Variants in TNFSF11 observed in about 807,000 individuals in gnomAD.
TNFSF11 encodes TNF superfamily member 11.
Under a neutral mutation model 32.2 loss-of-function variants are expected in TNFSF11, and 12 were observed. The ratio of observed to expected loss-of-function variants is 0.37; its 90% CI spans 0.24 to 0.60. The LOEUF (loss-of-function observed/expected upper bound fraction) is 0.60. Ranked by LOEUF, TNFSF11 falls within the 20% of genes least tolerant of loss-of-function variation. TNFSF11 has a pLI of 0.66. For synonymous variants in TNFSF11, 172 were observed against 152.1 expected, an observed-to-expected ratio of 1.13 and a Z score of -0.96; for missense variants, 345 against 398.0, an observed-to-expected ratio of 0.87 and a Z score of 1.13.
At chr13:42,599,001 A>G (rs1466236152) in intron 2 of TNFSF11, among the ~76,000 whole-genome samples, 2 of 152,180 alleles carry the variant, frequency 1.3e-5, no homozygotes, top group African/African-American at 4.8e-5. Flanking sequence ...AAAAGGGGCT[A>G]CCATGTGCCT....
chr13:42,565,549 T>C (rs957218228), intron 1 of TNFSF11, among the ~76,000 whole-genome samples: 1 of 152,202 alleles, frequency 6.6e-6, no homozygotes, highest in African/African-American at 2.4e-5. Flanking sequence ...AATGACTAAA[T>C]TATGAGCATG....
chr13:42,601,881 A>G (rs568129661), intron 4 of TNFSF11, among the ~76,000 whole-genome samples: 1 of 152,312 alleles, frequency 6.6e-6, no homozygotes, highest in South Asian at 2.1e-4. Context: ...TTTTGCAGAC[A>G]GGGAAACTGA....
At chr13:42,572,994 C>G (rs1873124678), upstream of TNFSF11, among the ~76,000 whole-genome samples, 1 of 152,168 alleles carries the variant, frequency 6.6e-6, no homozygotes. Context: ...CATATCATGG[C>G]ATAGTATTTG....
Position 42,600,872 on chromosome 13 carries a change from C to G in TNFSF11, c.434-11C>G, listed in dbSNP as rs770246659. 3 of 1,614,134 alleles carry G rather than the reference C, an allele frequency of 1.9e-6. No individual in the cohort carries two copies. Among genetic ancestry groups the G allele is most frequent in the South Asian group, 1.1e-5 (1 of 91,074 alleles). On this transcript the variant is annotated splice_polypyrimidine_tract_variant and intron_variant, in intron 3 of 4. Transcript: ENST00000398795. ...TTTTGGCTATAATAATATGGTTTCTCTCATCTCCAGCGATGGTGGATGGCT... is the reference window on the plus strand; with the variant it reads ...TTTTGGCTATAATAATATGGTTTCTGTCATCTCCAGCGATGGTGGATGGCT...
At chr13:42,588,421 T>C (rs962429739) in intron 2 of TNFSF11, among the ~76,000 whole-genome samples, 20 of 152,178 alleles carry the variant, frequency 1.3e-4, no homozygotes, top group Non-Finnish European at 4.4e-5. Context: ...ATGACATCTT[T>C]AAAGAAACAG....
chr13:42,571,021 C>A (rs938008347), upstream of TNFSF11, among the ~76,000 whole-genome samples: 1 of 152,082 alleles, frequency 6.6e-6, no homozygotes, highest in East Asian at 1.9e-4. Context: ...AGGGTGTAAG[C>A]CCCATGTTCC....
At chr13:42,603,069 A>G (rs547540936) in intron 4 of TNFSF11, among the ~76,000 whole-genome samples, 2 of 152,276 alleles carry the variant, frequency 1.3e-5, no homozygotes, top group South Asian at 2.1e-4. Context: ...CCTTGAGTCC[A>G]TTTATTACCC....
upstream of TNFSF11, among the ~76,000 whole-genome samples, chr13:42,569,945 T>G (rs1401132602): frequency 1.3e-5 from 2 of 152,074 alleles, no homozygotes; most frequent in African/African-American, 4.8e-5. Context: ...TTTTTTTAAA[T>G]AAAATAATTT....
intron 1 of TNFSF11, 105 bp downstream of exon 1, chr13:42,574,627 A>G: frequency 1.5e-6 from 2 of 1,359,782 alleles, no homozygotes; most frequent in South Asian, 1.2e-5. Flanking sequence ...CAGAGCTTGC[A>G]TATTCCGGAA....
upstream of TNFSF11, chr13:42,574,106 A>AG (rs1406858998): frequency 3.1e-6 from 2 of 637,680 alleles, no homozygotes; most frequent in African/African-American, 3.8e-5. Flanking sequence ...TCCCGAGGCC[A>AG]GGGCTCTCCA....
upstream of TNFSF11, chr13:42,571,437 T>A (rs1337836846): frequency 6.6e-6 from 1 of 152,150 alleles, no homozygotes. Flanking sequence ...GGCATGATTG[T>A]AGCTTACTGC....
At chr13:42,567,635 G>A (rs779908837) in intron 2 of TNFSF11, among the ~76,000 whole-genome samples, 1 of 152,134 alleles carries the variant, frequency 6.6e-6, no homozygotes, top group African/African-American at 2.4e-5. Flanking sequence ...ACCATGATGG[G>A]ATGGTAGGTC....
intron 2 of TNFSF11, among the ~76,000 whole-genome samples, chr13:42,568,674 G>T (rs561534008): frequency 1.3e-5 from 2 of 152,102 alleles, no homozygotes; most frequent in Non-Finnish European, 1.5e-5. Flanking sequence ...ATCAGAAGAC[G>T]CGGGAACAGA....
At position 42,607,007 on chromosome 13, in the gene TNFSF11, A is replaced by T. The variant is rs572349604; in HGVS notation, c.*89A>T. 3.9e-6 allele frequency: 6 copies of T among 1,555,940 alleles called. No homozygotes were observed. The highest frequency in any genetic ancestry group is 2.7e-5 in the African/African-American group (2 of 73,816). ...AGAAAGATGTATATAGGTGTGTGAG[A>T]CTACTAAGAGGCATGGCCCCAACGG... On this transcript the variant is annotated 3_prime_UTR_variant, in exon 5 of 5. Transcript: ENST00000398795.
At chr13:42,564,142 T>C (rs1182545513) in intron 1 of TNFSF11, among the ~76,000 whole-genome samples, 1 of 147,348 alleles carries the variant, frequency 6.8e-6, no homozygotes, top group Non-Finnish European at 1.5e-5. Flanking sequence ...AGATATTTTA[T>C]TTTTTTGTTC....
intron 2 of TNFSF11, among the ~76,000 whole-genome samples, chr13:42,582,026 C>T (rs1463199008): frequency 6.6e-6 from 1 of 152,202 alleles, no homozygotes; most frequent in African/African-American, 2.4e-5. Context: ...GGGTAGAACA[C>T]AAACAGTGAC....
chr13:42,607,162 C>A lies in TNFSF11; in HGVS notation c.*244C>A. 1 of 495,066 alleles carries A rather than the reference C, an allele frequency of 2.0e-6. No individual in the cohort carries two copies. Among genetic ancestry groups the A allele is most frequent in the Non-Finnish European group, 3.6e-6 (1 of 281,492 alleles). 30.7% of individuals were successfully genotyped at this position (495,066 alleles called of 1,614,324 possible). A position where few individuals can be genotyped will look rare whatever the true frequency, so the allele number is the denominator to read the frequency against. On this transcript the variant is annotated 3_prime_UTR_variant, in exon 5 of 5. Transcript: ENST00000398795. ...TTGTAATGAATTCCTAGAATTAAAC[C>A]AGATTGGAGCAATTACGGGGTGACC...
chr13:42,604,369 C>T (rs967673614), intron 4 of TNFSF11, among the ~76,000 whole-genome samples: 1 of 152,086 alleles, frequency 6.6e-6, no homozygotes, highest in Admixed American at 6.6e-5. Flanking sequence ...TCTGGGATGA[C>T]CTGAAATAAG....
intron 2 of TNFSF11, among the ~76,000 whole-genome samples, chr13:42,591,567 C>T (rs17063461): frequency 0.043 from 6,596 of 152,252 alleles, 467 homozygotes; most frequent in African/African-American, 0.15. Flanking sequence ...ATGAATCCTG[C>T]TCTTAAAGTT....
Sources: gnomAD v4.1 joint callset for allele counts (sites outside exome capture counted in the v4.1 genomes callset) on GRCh38, gnomAD v4.1.1 for gene constraint, MANE v1.5 for transcripts, NCBI Gene and HGNC (gene_info 2026-07-23, HGNC 2026-07-21) for gene names.